SLC7A2: variants seen among roughly 807,000 people sequenced by gnomAD.
SLC7A2 encodes the protein cationic amino acid transporter 2.
A neutral mutation model predicts 58.9 loss-of-function variants in SLC7A2; 48 were observed. The observed-to-expected ratio is 0.82, with a 90% confidence interval of 0.65 to 1.04. SLC7A2 has a LOEUF of 1.04. SLC7A2 is among the 50% of genes least tolerant of loss of function. SLC7A2 has a pLI of 0.00. For synonymous variants in SLC7A2, 363 were observed against 314.5 expected, an observed-to-expected ratio of 1.15 and a Z score of -1.63; for missense variants, 1,029 against 818.8, an observed-to-expected ratio of 1.26 and a Z score of -3.13.
chr8:17,561,370 A>G (rs549776950), intron 10 of SLC7A2, among the ~76,000 whole-genome samples: 10 of 152,276 alleles, frequency 6.6e-5, no homozygotes, highest in African/African-American at 2.4e-4. Flanking sequence ...ACCAAGCAAA[A>G]GGGGTTTCTC....
intron 2 of SLC7A2, among the ~76,000 whole-genome samples, chr8:17,522,212 A>C (rs1476710771): frequency 6.6e-6 from 1 of 152,160 alleles, no homozygotes; most frequent in Non-Finnish European, 1.5e-5. Context: ...CAGACAGGAG[A>C]GAATGAGAAC....
chr8:17,569,808 G>A lies in SLC7A2; in HGVS notation c.*4662G>A, dbSNP rs895073019. The A allele has an allele frequency of 4.6e-5, 7 of 152,064 alleles. No individual in the cohort carries two copies. The highest frequency in any genetic ancestry group is 6.6e-5 in the Admixed American group (1 of 15,258). The allele number at this position is 152,064 out of a possible 1,614,324, so 9.4% of individuals were successfully genotyped here. ...GTTGATGCCACTGCCATGATCGCTG[G>A]GTCTTAAAGAGCTTTCCCTAGCCAC... On this transcript the variant is annotated 3_prime_UTR_variant, in exon 13 of 13. Coordinates refer to ENST00000494857, the MANE Select transcript of SLC7A2 (RefSeq NM_001370338.1).
In SLC7A2 at chr8:17,569,864, C is replaced by T. The variant is rs1803433188; in HGVS notation, c.*4718C>T. The stretch of plus-strand genomic sequence containing the variant: ...GCCCCGTGGAGATCATAATCAGGGC[C>T]CCAGGCTGGTTCCAGGATCAGGCAG... On this transcript the variant is annotated 3_prime_UTR_variant, in exon 13 of 13. Transcript: ENST00000494857. 6.6e-6 allele frequency: 1 copy of T among 152,048 alleles called. No homozygotes were observed. Among genetic ancestry groups the T allele is most frequent in the Non-Finnish European group, 1.5e-5 (1 of 68,046 alleles). 9.4% of individuals were successfully genotyped at this position (152,048 alleles called of 1,614,324 possible).
Position 17,565,215 on chromosome 8 carries a change from T to C in SLC7A2, c.*69T>C. On this transcript the variant is annotated 3_prime_UTR_variant, in exon 13 of 13. Coordinates refer to ENST00000494857, the MANE Select transcript of SLC7A2 (RefSeq NM_001370338.1). ...CTACACTGAGTAAACCGTAACGGGATGTCATCAGCATGCTGGGTTGTCATG... is the reference window on the plus strand; with the variant it reads ...CTACACTGAGTAAACCGTAACGGGACGTCATCAGCATGCTGGGTTGTCATG... 1 of 1,250,778 alleles carries C rather than the reference T, an allele frequency of 8.0e-7. No homozygotes were observed. The highest frequency in any genetic ancestry group is 1.1e-6 in the Non-Finnish European group (1 of 894,574). The allele number at this position is 1,250,778 out of a possible 1,614,324, so 77.5% of individuals were successfully genotyped here.
chr8:17,509,551 C>G (rs1426493271), intron 2 of SLC7A2, among the ~76,000 whole-genome samples: 3 of 152,082 alleles, frequency 2.0e-5, no homozygotes, highest in Non-Finnish European at 4.4e-5. Context: ...AGTAATCCAC[C>G]CGCCTTGGCC....
chr8:17,506,871 C>T (rs1800387161), intron 2 of SLC7A2, among the ~76,000 whole-genome samples: 1 of 151,408 alleles, frequency 6.6e-6, no homozygotes. Context: ...AGAGTCCAAG[C>T]ATGTTGAAAA....
intron 4 of SLC7A2, 145 bp from the exon 5 acceptor site, chr8:17,548,533 G>A (rs1189720899): frequency 1.7e-6 from 1 of 591,084 alleles, no homozygotes; most frequent in Non-Finnish European, 2.9e-6. Flanking sequence ...ATTAACTAAT[G>A]AGTAAGAACT....
At chr8:17,564,900 A>G in intron 12 of SLC7A2, 50 bp from the exon 13 acceptor site, 1 of 1,434,866 alleles carries the variant, frequency 7.0e-7, no homozygotes, top group Non-Finnish European at 9.4e-7. Context: ...CTTAAAAGTC[A>G]TTTTCTGACA....
At chr8:17,545,763 A>T (rs903285003) in intron 4 of SLC7A2, among the ~76,000 whole-genome samples, 1 of 152,074 alleles carries the variant, frequency 6.6e-6, no homozygotes, top group Non-Finnish European at 1.5e-5. Context: ...GATTGCCCTA[A>T]GAGTAAAAAC....
chr8:17,507,181 G>A (rs558050125), intron 2 of SLC7A2, among the ~76,000 whole-genome samples: 1 of 152,060 alleles, frequency 6.6e-6, no homozygotes, highest in African/African-American at 2.4e-5. Context: ...TGCTGACCTT[G>A]TGATCCACCC....
At chr8:17,521,775 A>G (rs1297119276) in intron 2 of SLC7A2, among the ~76,000 whole-genome samples, 2 of 152,250 alleles carry the variant, frequency 1.3e-5, no homozygotes, top group African/African-American at 4.8e-5. Flanking sequence ...GCCCAGAATT[A>G]TGCATTGCTA....
intron 10 of SLC7A2, 41 bp from the exon 11 acceptor site, chr8:17,561,903 G>A: frequency 1.9e-6 from 3 of 1,597,372 alleles, no homozygotes; most frequent in Admixed American, 3.4e-5. Context: ...TCTGGGTGGA[G>A]CACAGTGTGC....
intron 2 of SLC7A2, among the ~76,000 whole-genome samples, chr8:17,506,277 A>G (rs1800361011): frequency 6.6e-6 from 1 of 152,178 alleles, no homozygotes; most frequent in Non-Finnish European, 1.5e-5. Context: ...CTCTCTTGAA[A>G]CTTAGCAGAA....
chr8:17,562,430 C>A (rs1803061875), intron 11 of SLC7A2, among the ~76,000 whole-genome samples: 1 of 152,060 alleles, frequency 6.6e-6, no homozygotes, highest in African/African-American at 2.4e-5. Context: ...GTCTCGAACT[C>A]CTGACCTCAA....
intron 2 of SLC7A2, among the ~76,000 whole-genome samples, chr8:17,525,918 A>G (rs2720491): frequency 0.51 from 77,872 of 151,906 alleles, 20,544 homozygotes; most frequent in Middle Eastern, 0.59. Flanking sequence ...ACTTTTTGGT[A>G]GTATTCATAG....
At chr8:17,528,155 G>A (rs1177062387) in intron 2 of SLC7A2, among the ~76,000 whole-genome samples, 1 of 152,158 alleles carries the variant, frequency 6.6e-6, no homozygotes, top group African/African-American at 2.4e-5. Flanking sequence ...GGAGGAAGCA[G>A]AAGACAGCTG....
intron 2 of SLC7A2, among the ~76,000 whole-genome samples, chr8:17,502,979 C>T (rs1339320679): frequency 6.6e-6 from 1 of 151,960 alleles, no homozygotes; most frequent in African/African-American, 2.4e-5. Context: ...TAAGTCAATT[C>T]GTAAATAAAA....
intron 2 of SLC7A2, among the ~76,000 whole-genome samples, chr8:17,535,879 G>C (rs2150722579): frequency 6.6e-6 from 1 of 152,046 alleles, no homozygotes; most frequent in East Asian, 1.9e-4. Flanking sequence ...CTCCAGCCTG[G>C]GTGAAAGAGG....
chr8:17,565,264 C>T lies in SLC7A2; in HGVS notation c.*118C>T. The stretch of plus-strand genomic sequence containing the variant: ...TGGGTTTGCTGCATACATAGTTCAC[C>T]CTAATTTATACTTACTCATCTGGAC... On this transcript the variant is annotated 3_prime_UTR_variant, in exon 13 of 13. Transcript: ENST00000494857. 1.3e-6 allele frequency: 1 copy of T among 752,914 alleles called. No individual in the cohort carries two copies. Among genetic ancestry groups the T allele is most frequent in the Non-Finnish European group, 2.1e-6 (1 of 468,074 alleles). The allele number at this position is 752,914 out of a possible 1,614,324, so 46.6% of individuals were successfully genotyped here. A position where few individuals can be genotyped will look rare whatever the true frequency, so the allele number is the denominator to read the frequency against.
Sources: gnomAD v4.1 joint callset for allele counts (sites outside exome capture counted in the v4.1 genomes callset) on GRCh38, gnomAD v4.1.1 for gene constraint, MANE v1.5 for transcripts, NCBI Gene and HGNC (gene_info 2026-07-23, HGNC 2026-07-21) for gene names.